FYN: variants seen among roughly 807,000 people sequenced by gnomAD.
FYN encodes tyrosine-protein kinase Fyn.
A neutral mutation model predicts 70.2 loss-of-function variants in FYN; 10 were observed. The observed-to-expected ratio is 0.14, with a 90% confidence interval of 0.09 to 0.24. The LOEUF is 0.24. FYN is among the 10% of genes least tolerant of loss of function. FYN has a pLI of 1.00. For missense variants in FYN, 319 were observed against 673.1 expected (o/e 0.47, Z 5.82); for synonymous variants, 236 against 248.6 (o/e 0.95, Z 0.48).
At chr6:111,706,415 GAA>G (rs1800095465) in intron 6 of FYN, among the ~76,000 whole-genome samples, 1 of 152,230 alleles carries the variant, frequency 6.6e-6, no homozygotes, top group Non-Finnish European at 1.5e-5. Flanking sequence ...TTTCACTGAA[GAA>G]AAGAGACATT....
intron 3 of FYN, among the ~76,000 whole-genome samples, chr6:111,762,706 G>C (rs1159590328): frequency 6.6e-6 from 1 of 152,072 alleles, no homozygotes; most frequent in East Asian, 1.9e-4. Context: ...CTGCATGCAG[G>C]GGTGTCCAAC....
chr6:111,790,983 G>A (rs1045293451), intron 2 of FYN, among the ~76,000 whole-genome samples: 6 of 152,136 alleles, frequency 3.9e-5, no homozygotes, highest in Non-Finnish European at 7.4e-5. Context: ...AATTCTCCTC[G>A]CAATTGCATC....
intron 2 of FYN, among the ~76,000 whole-genome samples, chr6:111,814,332 C>T (rs899941483): frequency 6.6e-6 from 1 of 152,042 alleles, no homozygotes; most frequent in Non-Finnish European, 1.5e-5. Context: ...AACAATAAAG[C>T]CAAACGATAA....
intron 3 of FYN, among the ~76,000 whole-genome samples, chr6:111,766,329 A>G (rs1803226539): frequency 6.6e-6 from 1 of 152,116 alleles, no homozygotes; most frequent in Non-Finnish European, 1.5e-5. Context: ...CTCACCTCCC[A>G]CACCATCATC....
At chr6:111,685,623 A>G (rs1325403289) in intron 12 of FYN, among the ~76,000 whole-genome samples, 1 of 152,226 alleles carries the variant, frequency 6.6e-6, no homozygotes, top group African/African-American at 2.4e-5. Flanking sequence ...TTTGCCAGCA[A>G]AGCAAGACAA....
chr6:111,831,338 A>G (rs890938538), intron 2 of FYN, among the ~76,000 whole-genome samples: 1 of 152,208 alleles, frequency 6.6e-6, no homozygotes, highest in Non-Finnish European at 1.5e-5. Flanking sequence ...AATTTGGTAT[A>G]ATAATCCAAA....
Position 111,683,727 on chromosome 6 carries a change from CAA to C in FYN, c.1274-9099_1274-9098del, listed in dbSNP as rs10707526. Among the ~76,000 whole-genome samples, 774 of 148,672 alleles carry C rather than the reference CAA, an allele frequency of 5.2e-3. 8 individuals carry two copies. The highest frequency in any genetic ancestry group is 0.016 in the African/African-American group (668 of 40,800). ...TTGAAAGTTACTCTGGGTAATAAAA[CAA>C]AAAAAAAAAATCACAAACAATGCCA... is the stretch of plus-strand genomic sequence containing the variant. On this transcript the variant is annotated intron_variant, in intron 12 of 13. Transcript: ENST00000354650.
intron 1 of FYN, among the ~76,000 whole-genome samples, chr6:111,856,918 C>G (rs1399357362): frequency 2.0e-5 from 3 of 152,156 alleles, no homozygotes; most frequent in Non-Finnish European, 1.5e-5. Flanking sequence ...GATGATTTCC[C>G]TTCCAAAATT....
chr6:111,717,774 T>C (rs1393948929), intron 4 of FYN, among the ~76,000 whole-genome samples: 2 of 152,148 alleles, frequency 1.3e-5, no homozygotes, highest in Admixed American at 1.3e-4. Flanking sequence ...AGAGTCCACC[T>C]TTTTTACCAA....
chr6:111,711,623 C>T (rs1489489912), intron 5 of FYN, among the ~76,000 whole-genome samples: 3 of 152,176 alleles, frequency 2.0e-5, no homozygotes, highest in Admixed American at 6.5e-5. Context: ...AGGGCTCCAC[C>T]AGGGAAGGGA....
At chr6:111,839,651 A>G (rs1442701630) in intron 2 of FYN, among the ~76,000 whole-genome samples, 1 of 152,188 alleles carries the variant, frequency 6.6e-6, no homozygotes, top group East Asian at 1.9e-4. Flanking sequence ...TCCAGGAGGA[A>G]GTGACCAGAA....
At chr6:111,667,548 C>T (rs998895216) in intron 13 of FYN, among the ~76,000 whole-genome samples, 2 of 152,186 alleles carry the variant, frequency 1.3e-5, no homozygotes, top group Non-Finnish European at 1.5e-5. Flanking sequence ...AGCCACTATA[C>T]CTGGTCTTCT....
At position 111,719,999 on chromosome 6, in the gene FYN, C is replaced by T; in HGVS notation, c.53G>A (p.Arg18Lys). 1 of 1,613,212 alleles carries T rather than the reference C, an allele frequency of 6.2e-7. No individual in the cohort carries two copies. Among genetic ancestry groups the T allele is most frequent in the South Asian group, 1.1e-5 (1 of 91,064 alleles). Residue 18 changes from arginine to lysine, a missense_variant, in exon 4 of 14, where the codon AGG becomes AAG. Coordinates refer to ENST00000354650, the MANE Select transcript of FYN (RefSeq NM_002037.5). ...DKEATKLTEE[R>K]DGSLNQSSGY... ...AGAGCTCTGGTTCAGGCTGCCGTCC[C>T]TCTCCTCCGTCAGTTTTGTTGCTTC...
chr6:111,747,131 T>C (rs1305608698), intron 3 of FYN, among the ~76,000 whole-genome samples: 1 of 152,194 alleles, frequency 6.6e-6, no homozygotes, highest in African/African-American at 2.4e-5. Flanking sequence ...CTTGTCCAAG[T>C]AGCACTTTAG....
chr6:111,665,993 TC>T (rs1797985701), intron 13 of FYN, among the ~76,000 whole-genome samples: 3 of 136,968 alleles, frequency 2.2e-5, no homozygotes, highest in African/African-American at 8.2e-5. Flanking sequence ...TTCCTTTTTC[TC>T]CTTTTTTTTT....
intron 3 of FYN, among the ~76,000 whole-genome samples, chr6:111,726,873 G>GT (rs1279320291): frequency 1.3e-5 from 2 of 152,154 alleles, no homozygotes; most frequent in African/African-American, 2.4e-5. Context: ...CTGATGGTTG[G>GT]TTTTATAAGC....
intron 3 of FYN, among the ~76,000 whole-genome samples, chr6:111,772,138 T>C (rs1583428573): frequency 6.6e-6 from 1 of 152,174 alleles, no homozygotes; most frequent in Non-Finnish European, 1.5e-5. Flanking sequence ...GTGTGGTACC[T>C]AGCATGTAGT....
rs142511701 is a variant in FYN at position 111,751,042 on chromosome 6, A to G, written c.-12+29524T>C. Among the ~76,000 whole-genome samples, 515 of 152,314 alleles carry G rather than the reference A, an allele frequency of 3.4e-3. 4 individuals carry two copies. Among genetic ancestry groups the G allele is most frequent in the South Asian group, 0.016 (78 of 4,822 alleles). On this transcript the variant is annotated intron_variant, in intron 3 of 13. Coordinates refer to ENST00000354650, the MANE Select transcript of FYN (RefSeq NM_002037.5). ...ATCTACAGAGTCACACTGGAAAAAAACACCAAGAGAAGCAAAGCAAAAAGA... is the reference window on the plus strand; with the variant it reads ...ATCTACAGAGTCACACTGGAAAAAAGCACCAAGAGAAGCAAAGCAAAAAGA...
At chr6:111,715,302 A>G (rs1209752043) in intron 4 of FYN, among the ~76,000 whole-genome samples, 1 of 151,590 alleles carries the variant, frequency 6.6e-6, no homozygotes, top group African/African-American at 2.4e-5. Flanking sequence ...GCTGGTCTCG[A>G]ATTCCTGGGT....
Sources: allele counts gnomAD v4.1 joint callset (sites outside exome capture counted in the v4.1 genomes callset), GRCh38; gene constraint gnomAD v4.1.1; transcripts MANE v1.5; gene names NCBI Gene and HGNC (gene_info 2026-07-23, HGNC 2026-07-21).